Variants in FLVCR1 observed in about 807,000 individuals in gnomAD.
The protein encoded by FLVCR1 is choline/ethanolamine transporter FLVCR1.
Under a neutral mutation model 53.6 loss-of-function variants are expected in FLVCR1, and 34 were observed. The ratio of observed to expected loss-of-function variants is 0.63; its 90% CI spans 0.48 to 0.84. The LOEUF is 0.84. Among genes scored for constraint, FLVCR1 ranks in the 40% least tolerant of loss-of-function variants. The pLI, the probability that FLVCR1 is intolerant of heterozygous loss-of-function variation, is 0.00. For missense variants in FLVCR1, 677 were observed against 696.7 expected (o/e 0.97, Z 0.32); for synonymous variants, 300 against 286.3 (o/e 1.05, Z -0.48).
At chr1:212,868,230 C>T (rs182994186) in intron 2 of FLVCR1, among the ~76,000 whole-genome samples, 1 of 152,178 alleles carries the variant, frequency 6.6e-6, no homozygotes, top group East Asian at 1.9e-4. Context: ...CTCTGAGTAG[C>T]TGGGACTACA....
At chr1:212,879,454 T>C (rs1027488865) in intron 3 of FLVCR1, among the ~76,000 whole-genome samples, 1 of 152,134 alleles carries the variant, frequency 6.6e-6, no homozygotes, top group Non-Finnish European at 1.5e-5. Context: ...TAAGGAATAA[T>C]ACTTCTAGAA....
At chr1:212,866,280 C>T (rs117561713) in intron 2 of FLVCR1, among the ~76,000 whole-genome samples, 3,482 of 152,054 alleles carry the variant, frequency 0.023, 60 homozygotes, top group South Asian at 0.041. Flanking sequence ...CCACCGAGCC[C>T]GGCCTTTTTT....
chr1:212,892,581 A>G (rs1436301029), intron 8 of FLVCR1, among the ~76,000 whole-genome samples: 1 of 152,192 alleles, frequency 6.6e-6, no homozygotes, highest in Non-Finnish European at 1.5e-5. Context: ...TCATTGACCA[A>G]TTCACCTGTT....
In FLVCR1 at chr1:212,886,027, A is replaced by G. The variant is rs1665054738; in HGVS notation, c.1196+631A>G. On this transcript the variant is annotated intron_variant, in intron 5 of 9. Coordinates refer to ENST00000366971, the MANE Select transcript of FLVCR1 (RefSeq NM_014053.4). ...TTCTGAGAAATATTTGACTTTTGAT[A>G]GACTTTATCTTGTTCTTTTTTTTTT... Among the ~76,000 whole-genome samples the G allele has an allele frequency of 3.5e-5, 5 of 143,130 alleles. No homozygotes were observed. In the South Asian group the frequency reaches 1.1e-3, roughly 31 times the overall value. 93.9% of individuals were successfully genotyped at this position (143,130 alleles called of 152,430 possible). A position where few individuals can be genotyped will look rare whatever the true frequency, so the allele number is the denominator to read the frequency against.
chr1:212,879,404 A>G (rs1558116450), intron 3 of FLVCR1, among the ~76,000 whole-genome samples: 1 of 152,164 alleles, frequency 6.6e-6, no homozygotes, highest in Non-Finnish European at 1.5e-5. Flanking sequence ...AATATGATAT[A>G]TATAAGCTTG....
At chr1:212,864,260 G>T in intron 2 of FLVCR1, 1 of 274,764 alleles carries the variant, frequency 3.6e-6, no homozygotes, top group Non-Finnish European at 7.1e-6. Context: ...GGTCTTTCTG[G>T]TAATGCTAAA....
At chr1:212,875,400 G>C (rs1476716033) in intron 3 of FLVCR1, among the ~76,000 whole-genome samples, 1 of 152,230 alleles carries the variant, frequency 6.6e-6, no homozygotes, top group Non-Finnish European at 1.5e-5. Context: ...CTCACAGAAG[G>C]GAGTGGTTGA....
chr1:212,893,549 TATTGCACACAGAGAGATCTTTCATG>T (rs1293622753), intron 8 of FLVCR1, among the ~76,000 whole-genome samples: 2 of 152,246 alleles, frequency 1.3e-5, no homozygotes, highest in South Asian at 2.1e-4. Flanking sequence ...ATCAAACAAG[TATTGCACACAGAGAGATCTTTCATG>T]AAAGGAAGAG....
At chr1:212,864,972 A>G (rs1321169265) in intron 2 of FLVCR1, among the ~76,000 whole-genome samples, 1 of 152,304 alleles carries the variant, frequency 6.6e-6, no homozygotes, top group East Asian at 1.9e-4. Flanking sequence ...TGAAGTATTC[A>G]AACATGTGTA....
chr1:212,890,084 T>C (rs941859195), intron 8 of FLVCR1, among the ~76,000 whole-genome samples: 2 of 152,210 alleles, frequency 1.3e-5, no homozygotes, highest in South Asian at 2.1e-4. Context: ...GTGCTTATAC[T>C]TCTTAGGTAT....
Position 212,872,293 on chromosome 1 carries a change from C to G in FLVCR1, c.884-385C>G, listed in dbSNP as rs1401331584. ...CTGTGCCCAGCCTTCATGTTTATCT[C>G]TAATTACAAATTGAACTGAATTTAA... On this transcript the variant is annotated intron_variant, in intron 2 of 9. Coordinates refer to ENST00000366971, the MANE Select transcript of FLVCR1 (RefSeq NM_014053.4). 2.6e-5 allele frequency among the ~76,000 whole-genome samples: 4 copies of G among 152,026 alleles called. No individual in the cohort carries two copies. In the South Asian group the frequency reaches 8.3e-4, roughly 31 times the overall value.
At position 212,897,944 on chromosome 1, in the gene FLVCR1, C is replaced by T. The variant is rs371694184; in HGVS notation, c.*2654C>T. On this transcript the variant is annotated 3_prime_UTR_variant, in exon 10 of 10. Coordinates refer to ENST00000366971, the MANE Select transcript of FLVCR1 (RefSeq NM_014053.4). ...TGATATATATTGAAATTATAACATTCTCTATAATCAAGTGACTGTAAATTA... is the reference window on the plus strand; with the variant it reads ...TGATATATATTGAAATTATAACATTTTCTATAATCAAGTGACTGTAAATTA... 1.3e-5 allele frequency: 2 copies of T among 152,186 alleles called. No individual in the cohort carries two copies. The highest frequency in any genetic ancestry group is 4.1e-4 in the South Asian group (2 of 4,828). 9.4% of individuals were successfully genotyped at this position (152,186 alleles called of 1,614,324 possible). A position where few individuals can be genotyped will look rare whatever the true frequency, so the allele number is the denominator to read the frequency against.
At chr1:212,888,861 GT>G (rs1227666924) in intron 7 of FLVCR1, among the ~76,000 whole-genome samples, 5 of 151,932 alleles carry the variant, frequency 3.3e-5, no homozygotes, top group Non-Finnish European at 5.9e-5. Flanking sequence ...AATTTTTTTT[GT>G]TATTTTTTGT....
intron 5 of FLVCR1, among the ~76,000 whole-genome samples, chr1:212,887,680 G>C (rs1052347786): frequency 3.9e-5 from 6 of 152,034 alleles, no homozygotes; most frequent in African/African-American, 1.4e-4. Flanking sequence ...GATCCTATCT[G>C]AGCATTCGAT....
chr1:212,894,882 A>G lies in FLVCR1; in HGVS notation c.1526-104A>G, dbSNP rs1665292260. 4 of 794,012 alleles carry G rather than the reference A, an allele frequency of 5.0e-6. No homozygotes were observed. In the Admixed American group the frequency reaches 5.2e-5, roughly 10 times the overall value. 49.2% of individuals were successfully genotyped at this position (794,012 alleles called of 1,614,324 possible). A position where few individuals can be genotyped will look rare whatever the true frequency, so the allele number is the denominator to read the frequency against. ...TTGGGATGCTATTAAATATCATGAC[A>G]CTACAGTGCATTAAATTTGACAATA... On this transcript the variant is annotated intron_variant, in intron 8 of 9. Coordinates refer to ENST00000366971, the MANE Select transcript of FLVCR1 (RefSeq NM_014053.4).
chr1:212,863,980 C>A, intron 2 of FLVCR1, 111 bp downstream of exon 2: 1 of 852,466 alleles, frequency 1.2e-6, no homozygotes, highest in Non-Finnish European at 1.9e-6. Context: ...TGCTTTGTTT[C>A]ATTCTTCCAT....
At chr1:212,890,366 G>A (rs1347057344) in intron 8 of FLVCR1, among the ~76,000 whole-genome samples, 2 of 151,960 alleles carry the variant, frequency 1.3e-5, no homozygotes. Context: ...CTTCCCAGGG[G>A]CGTCCAATCT....
intron 2 of FLVCR1, 81 bp from the exon 3 acceptor site, chr1:212,872,597 C>A: frequency 1.1e-6 from 1 of 926,524 alleles, no homozygotes; most frequent in Non-Finnish European, 1.7e-6. Flanking sequence ...AAGAATGATA[C>A]ATATAATTAC....
rs1665305685 is a variant in FLVCR1 at position 212,895,305 on chromosome 1, T to C, written c.*15T>C. 1 of 1,594,240 alleles carries C rather than the reference T, an allele frequency of 6.3e-7. No individual in the cohort carries two copies. The highest frequency in any genetic ancestry group is 1.7e-5 in the Admixed American group (1 of 59,970). On this transcript the variant is annotated 3_prime_UTR_variant, in exon 10 of 10. Transcript: ENST00000366971. ...CAGCAATTTGAAGAGAAAGGCAAAG[T>C]TACTGTCCTGTAGTAATTGGGGACA... is the stretch of plus-strand genomic sequence containing the variant.
Sources: gnomAD v4.1 joint callset for allele counts (sites outside exome capture counted in the v4.1 genomes callset) on GRCh38, gnomAD v4.1.1 for gene constraint, MANE v1.5 for transcripts, NCBI Gene and HGNC (gene_info 2026-07-23, HGNC 2026-07-21) for gene names.